The following STARD13 variants were observed in gnomAD, a reference collection of about 807,000 sequenced individuals.
The protein encoded by STARD13 is StAR related lipid transfer domain containing 13, also known as stAR-related lipid transfer protein 13.
A neutral mutation model predicts 106.4 loss-of-function variants in STARD13; 62 were observed. That is an observed-to-expected ratio of 0.58 (90% CI 0.48 to 0.72). The LOEUF (loss-of-function observed/expected upper bound fraction) is 0.72, where lower values mean the gene tolerates loss of function less well. Among genes scored for constraint, STARD13 ranks in the 30% least tolerant of loss-of-function variants. STARD13 has a pLI of 0.00. For synonymous variants in STARD13, 565 were observed against 553.0 expected (o/e 1.02, Z -0.31); for missense variants, 1,387 against 1,424.0 (o/e 0.97, Z 0.42).
At chr13:33,140,484 T>C (rs923444303) in intron 4 of STARD13, among the ~76,000 whole-genome samples, 2 of 152,368 alleles carry the variant, frequency 1.3e-5, no homozygotes, top group Admixed American at 1.3e-4. Context: ...AATTTGTCTT[T>C]GGCCTGGACA....
chr13:33,426,818 G>A, the STARD13 span, among the ~76,000 whole-genome samples: 3 of 151,886 alleles, frequency 2.0e-5, no homozygotes, highest in South Asian at 2.1e-4. Flanking sequence ...AATATTCTTC[G>A]TATTTTCTAT....
chr13:33,165,784 C>A (rs915863555), intron 2 of STARD13, among the ~76,000 whole-genome samples: 2 of 152,098 alleles, frequency 1.3e-5, no homozygotes, highest in African/African-American at 4.8e-5. Context: ...GATGGTTTCA[C>A]GAAATACTTA....
the STARD13 span, among the ~76,000 whole-genome samples, chr13:33,582,222 AAAAAAAAAAG>A: frequency 0.039 from 5,037 of 128,186 alleles, 141 homozygotes; most frequent in African/African-American, 0.086. Flanking sequence ...ACTCCATCTC[AAAAAAAAAAG>A]AAAAAAAAGA....
At chr13:33,655,880 C>T in the STARD13 span, among the ~76,000 whole-genome samples, 100 of 152,308 alleles carry the variant, frequency 6.6e-4, no homozygotes, top group Non-Finnish European at 1.1e-3. Context: ...AATACTGCAG[C>T]TGACCCCAGA....
the STARD13 span, among the ~76,000 whole-genome samples, chr13:33,438,417 A>G: frequency 1.3e-5 from 2 of 152,210 alleles, no homozygotes; most frequent in Non-Finnish European, 2.9e-5. Context: ...GGACACATTC[A>G]TATGATTTTA....
the STARD13 span, among the ~76,000 whole-genome samples, chr13:33,592,768 GTTGAAATAGTTTTAAA>G: frequency 0.036 from 5,558 of 152,274 alleles, 259 homozygotes; most frequent in African/African-American, 0.1. Context: ...AACTTAATGA[GTTGAAATAGTTTTAAA>G]TTGATGTGAA....
the STARD13 span, among the ~76,000 whole-genome samples, chr13:33,460,455 C>T: frequency 3.5e-3 from 534 of 150,908 alleles, 2 homozygotes; most frequent in African/African-American, 0.013. Context: ...AGTGCCACTG[C>T]ACTCCAGCCT....
At chr13:33,354,333 A>T (rs9591694), upstream of STARD13, among the ~76,000 whole-genome samples, 22,653 of 152,132 alleles carry the variant, frequency 0.15, 2,322 homozygotes, top group Non-Finnish European at 0.2. Flanking sequence ...TTCTTCACTC[A>T]TCCTTCGAGA....
chr13:33,262,534 T>C (rs1035478226), intron 1 of STARD13, among the ~76,000 whole-genome samples: 2 of 152,100 alleles, frequency 1.3e-5, no homozygotes, highest in Non-Finnish European at 2.9e-5. Context: ...CTGTTTGGCA[T>C]GTTTGCAGGA....
Position 33,259,996 on chromosome 13 carries a change from CAAAAAAAAAAA to C in STARD13, c.169+25463_169+25473del, listed in dbSNP as rs35410044. Among the ~76,000 whole-genome samples the C allele has an allele frequency of 2.8e-4, 29 of 101,998 alleles. No individual in the cohort carries two copies. The East Asian group carries it at 5.6e-3, about 20-fold the overall frequency. The allele number at this position is 101,998 out of a possible 152,430, so 66.9% of individuals were successfully genotyped here. A position where few individuals can be genotyped will look rare whatever the true frequency, so the allele number is the denominator to read the frequency against. Reference sequence around the variant, plus strand: ...GGGTAAGAAAGTGAGATTCCATCTCCAAAAAAAAAAAAAAAAAAAAAAATTAGACAGTTAAA... The same window carrying C: ...GGGTAAGAAAGTGAGATTCCATCTCCAAAAAAAAAAAATTAGACAGTTAAA... On this transcript the variant is annotated intron_variant, in intron 1 of 13. Transcript: ENST00000336934.
the STARD13 span, among the ~76,000 whole-genome samples, chr13:33,359,126 C>T: frequency 2.0e-5 from 2 of 100,346 alleles, no homozygotes; most frequent in African/African-American, 2.6e-5. Flanking sequence ...GCTCAGGTTG[C>T]CTTCCACACT....
intron 2 of STARD13, among the ~76,000 whole-genome samples, chr13:33,165,655 A>C (rs1883230903): frequency 6.6e-6 from 1 of 152,210 alleles, no homozygotes; most frequent in African/African-American, 2.4e-5. Flanking sequence ...AGGATTGAAC[A>C]CTAAGTGCCT....
chr13:33,528,937 C>T, the STARD13 span, among the ~76,000 whole-genome samples: 1 of 152,156 alleles, frequency 6.6e-6, no homozygotes, highest in South Asian at 2.1e-4. Context: ...CAGCCAATTA[C>T]TTAACCTCCC....
At chr13:33,474,107 C>G in the STARD13 span, among the ~76,000 whole-genome samples, 1 of 152,116 alleles carries the variant, frequency 6.6e-6, no homozygotes, top group Non-Finnish European at 1.5e-5. Context: ...TCTTTGGAAT[C>G]TGGAGAAGTT....
At chr13:33,203,121 G>A (rs559568613) in intron 1 of STARD13, among the ~76,000 whole-genome samples, 1 of 152,328 alleles carries the variant, frequency 6.6e-6, no homozygotes, top group South Asian at 2.1e-4. Flanking sequence ...TTCCCACAAT[G>A]CAGCGGAAGA....
the STARD13 span, among the ~76,000 whole-genome samples, chr13:33,549,664 A>G: frequency 6.6e-6 from 1 of 152,218 alleles, no homozygotes; most frequent in East Asian, 1.9e-4. Context: ...TTCCCCATGG[A>G]TCAATGAATG....
At chr13:33,558,564 A>T in the STARD13 span, among the ~76,000 whole-genome samples, 9 of 152,176 alleles carry the variant, frequency 5.9e-5, no homozygotes, top group African/African-American at 2.2e-4. Context: ...GAAAGAAAGA[A>T]GGATACAGAA....
the STARD13 span, among the ~76,000 whole-genome samples, chr13:33,601,324 A>G: frequency 1.3e-5 from 2 of 151,982 alleles, no homozygotes; most frequent in African/African-American, 4.8e-5. Context: ...ATCACTTTCA[A>G]TGACTCTTTA....
At chr13:33,207,330 G>T (rs1887474212) in intron 1 of STARD13, among the ~76,000 whole-genome samples, 1 of 152,184 alleles carries the variant, frequency 6.6e-6, no homozygotes, top group Non-Finnish European at 1.5e-5. Flanking sequence ...CCTAGAACTG[G>T]CATCTGCCAT....
Sources: allele counts gnomAD v4.1 joint callset (sites outside exome capture counted in the v4.1 genomes callset), GRCh38; gene constraint gnomAD v4.1.1; transcripts MANE v1.5; gene names NCBI Gene and HGNC (gene_info 2026-07-23, HGNC 2026-07-21).